MGST2: variants seen among roughly 807,000 people sequenced by gnomAD.
MGST2 encodes the protein glutathione peroxidase MGST2.
MGST2 carries 9 observed loss-of-function variants against 16.6 expected under a neutral mutation model. The observed-to-expected ratio is 0.54, with a 90% confidence interval of 0.33 to 0.95. The LOEUF is 0.95. Ranked by LOEUF, MGST2 falls within the 40% of genes least tolerant of loss-of-function variation. The pLI is 0.03. For synonymous variants in MGST2, 79 were observed against 68.0 expected, an observed-to-expected ratio of 1.16 and a Z score of -0.79; for missense variants, 159 against 175.1, an observed-to-expected ratio of 0.91 and a Z score of 0.52.
intron 3 of MGST2, chr4:139,698,654 A>G (rs926354767): frequency 3.9e-6 from 3 of 774,908 alleles, no homozygotes; most frequent in Non-Finnish European, 6.7e-6. Flanking sequence ...TGTTTCTTAT[A>G]GCAATCCTGC....
intron 5 of MGST2, among the ~76,000 whole-genome samples, chr4:139,713,048 G>A (rs1304083126): frequency 6.6e-6 from 1 of 152,184 alleles, no homozygotes; most frequent in Non-Finnish European, 1.5e-5. Context: ...GCTATAAATA[G>A]CTCAAAAGAA....
At chr4:139,666,121 T>TGTG (rs72006111) in intron 1 of MGST2, 44 bp downstream of exon 1, 11 of 557,156 alleles carry the variant, frequency 2.0e-5, no homozygotes, top group South Asian at 4.1e-5. Flanking sequence ...TGTGTGCGTG[T>TGTG]GTGTGTGTGT....
At chr4:139,699,921 A>G (rs6823657) in intron 3 of MGST2, among the ~76,000 whole-genome samples, 16,667 of 152,024 alleles carry the variant, frequency 0.11, 1,021 homozygotes, top group Non-Finnish European at 0.14. Context: ...AGTCCCAGCT[A>G]CTTGGGAGGC....
chr4:139,748,420 T>C, the MGST2 span, among the ~76,000 whole-genome samples: 1 of 152,104 alleles, frequency 6.6e-6, no homozygotes, highest in Admixed American at 6.6e-5. Flanking sequence ...GAAGTGGAGC[T>C]CAGATTGAGA....
chr4:139,714,960 CA>C (rs1157068797), intron 5 of MGST2, among the ~76,000 whole-genome samples: 2 of 152,142 alleles, frequency 1.3e-5, no homozygotes, highest in African/African-American at 4.8e-5. Flanking sequence ...CAGCAAAGTA[CA>C]AGGGAGATTA....
At chr4:139,701,509 C>T (rs1435205800) in intron 3 of MGST2, among the ~76,000 whole-genome samples, 1 of 152,188 alleles carries the variant, frequency 6.6e-6, no homozygotes, top group African/African-American at 2.4e-5. Flanking sequence ...CTCTCTCTCC[C>T]ATCTCTCTTC....
In MGST2 at chr4:139,703,528, T is replaced by C. The variant is rs1460651222; in HGVS notation, c.303T>C (p.Ala101=). 6.2e-7 allele frequency: 1 copy of C among 1,613,800 alleles called. No homozygotes were observed. Among genetic ancestry groups the C allele is most frequent in the Admixed American group, 1.7e-5 (1 of 60,014 alleles). Residue 101 remains alanine, a synonymous_variant, in exon 4 of 5, where the codon GCT becomes GCC. Coordinates refer to ENST00000265498, the MANE Select transcript of MGST2 (RefSeq NM_002413.5). ...ACTTCTGGGGATATTCAGAAGCTGC[T>C]AAAAAACGGTAAGGAGAACCCAGTA... ...HLYFWGYSEA[A]KKRITGFRLS...
intron 1 of MGST2, among the ~76,000 whole-genome samples, chr4:139,676,284 C>T (rs1262675317): frequency 6.6e-6 from 1 of 152,146 alleles, no homozygotes; most frequent in Non-Finnish European, 1.5e-5. Flanking sequence ...ATGGCTCTAT[C>T]ATGATTTATT....
intron 1 of MGST2, among the ~76,000 whole-genome samples, chr4:139,669,946 A>G (rs8192020): frequency 3.3e-3 from 509 of 152,280 alleles, no homozygotes; most frequent in African/African-American, 0.012. Flanking sequence ...ATTCTCTGGA[A>G]TTTGATTGGC....
intron 5 of MGST2, chr4:139,719,739 G>A (rs1162358347): frequency 1.2e-6 from 2 of 1,613,742 alleles, no homozygotes; most frequent in South Asian, 1.1e-5. Context: ...TGTGGGAAGT[G>A]CTGCTTGGTC....
chr4:139,713,176 G>A (rs1324041102), intron 5 of MGST2, among the ~76,000 whole-genome samples: 1 of 152,076 alleles, frequency 6.6e-6, no homozygotes, highest in African/African-American at 2.4e-5. Context: ...TTCCTACCTA[G>A]TTATTTCACA....
At chr4:139,745,090 A>G (rs1729277931), downstream of MGST2, among the ~76,000 whole-genome samples, 5 of 152,332 alleles carry the variant, frequency 3.3e-5, no homozygotes, top group Middle Eastern at 0.017. Flanking sequence ...CAGGGACTTG[A>G]CTGAGAGCCT....
chr4:139,746,162 G>A, the MGST2 span, among the ~76,000 whole-genome samples: 11 of 152,024 alleles, frequency 7.2e-5, no homozygotes, highest in African/African-American at 2.7e-4. Flanking sequence ...AATCACTCTC[G>A]GTCTTATTGC....
At chr4:139,675,633 A>G (rs1730919680) in intron 1 of MGST2, among the ~76,000 whole-genome samples, 1 of 152,212 alleles carries the variant, frequency 6.6e-6, no homozygotes, top group Non-Finnish European at 1.5e-5. Context: ...ACCGACAACA[A>G]TATAGGTTTG....
intron 5 of MGST2, chr4:139,725,698 C>G (rs1728441806): frequency 1.9e-6 from 3 of 1,552,060 alleles, no homozygotes; most frequent in Admixed American, 3.4e-5. Flanking sequence ...TACACATTCA[C>G]TTACGCTTCA....
the MGST2 span, among the ~76,000 whole-genome samples, chr4:139,752,648 A>T: frequency 6.6e-6 from 1 of 152,210 alleles, no homozygotes; most frequent in Non-Finnish European, 1.5e-5. Flanking sequence ...GATAATAATA[A>T]AAAACCTTTA....
intron 5 of MGST2, chr4:139,716,787 T>G (rs1344320594): frequency 6.6e-6 from 1 of 152,556 alleles, no homozygotes; most frequent in East Asian, 1.9e-4. Context: ...TGTTTTTGTT[T>G]TCTTTAAAAG....
At chr4:139,666,364 T>C (rs1398537298) in intron 1 of MGST2, among the ~76,000 whole-genome samples, 1 of 152,078 alleles carries the variant, frequency 6.6e-6, no homozygotes, top group Non-Finnish European at 1.5e-5. Context: ...GCATCATCTG[T>C]GATTACGACC....
At chr4:139,679,755 A>G (rs1048477000) in intron 2 of MGST2, among the ~76,000 whole-genome samples, 1 of 152,288 alleles carries the variant, frequency 6.6e-6, no homozygotes, top group East Asian at 1.9e-4. Flanking sequence ...GATAATTGTA[A>G]GAGGTGTGTA....
Sources: gnomAD v4.1 joint callset for allele counts (sites outside exome capture counted in the v4.1 genomes callset) on GRCh38, gnomAD v4.1.1 for gene constraint, MANE v1.5 for transcripts, NCBI Gene and HGNC (gene_info 2026-07-23, HGNC 2026-07-21) for gene names.